The following SPATA33 variants were observed in gnomAD, a reference collection of about 807,000 sequenced individuals.
SPATA33 encodes spermatogenesis associated 33.
SPATA33 carries 10 observed loss-of-function variants against 8.9 expected under a neutral mutation model. That is an observed-to-expected ratio of 1.12 (90% CI 0.69 to 1.90). The LOEUF (loss-of-function observed/expected upper bound fraction) is 1.90, where lower values mean the gene tolerates loss of function less well. Ranked by LOEUF, SPATA33 falls within the 40% of genes most tolerant of loss-of-function variation. The pLI, the probability that SPATA33 is intolerant of heterozygous loss-of-function variation, is 0.00. For synonymous variants in SPATA33, 96 were observed against 72.8 expected, an observed-to-expected ratio of 1.32 and a Z score of -1.63; for missense variants, 241 against 178.3, an observed-to-expected ratio of 1.35 and a Z score of -2.00.
chr16:89,661,406 A>C (rs1269417648), intron 2 of SPATA33: 1 of 174,088 alleles, frequency 5.7e-6, no homozygotes, highest in Non-Finnish European at 1.1e-5. Flanking sequence ...GCTGCCATCC[A>C]TGTAAGATGT....
At position 89,669,410 on chromosome 16, in the gene SPATA33, CA is replaced by C. The variant is rs2060068977; in HGVS notation, c.337del (p.Ile113PhefsTer42). 5.6e-6 allele frequency: 9 copies of C among 1,614,158 alleles called. No homozygotes were observed. The highest frequency in any genetic ancestry group is 7.6e-6 in the Non-Finnish European group (9 of 1,180,040). ...SSSGSDQQRT[I>X]REPEDWGPYR... ...CCAGCGGGAGTGACCAGCAGAGAAC[CA>C]TTCGGGAGCCGGAGGACTGGGGCCC... On this transcript the variant is annotated frameshift_variant, in exon 3 of 3. Transcript: ENST00000579310. LOFTEE classifies it low-confidence loss of function (END_TRUNC).
chr16:89,663,751 C>T (rs974688400), intron 2 of SPATA33, among the ~76,000 whole-genome samples: 1 of 151,982 alleles, frequency 6.6e-6, no homozygotes, highest in African/African-American at 2.4e-5. Flanking sequence ...GATTAAATGG[C>T]GTAGCTGTAC....
intron 2 of SPATA33, 43 bp downstream of exon 2, chr16:89,658,464 G>C: frequency 6.4e-7 from 1 of 1,557,674 alleles, no homozygotes; most frequent in African/African-American, 1.4e-5. Context: ...CAGTGGCTTG[G>C]AGGATCTGGG....
At chr16:89,666,483 C>A (rs1159010923) in intron 2 of SPATA33, among the ~76,000 whole-genome samples, 1 of 152,040 alleles carries the variant, frequency 6.6e-6, no homozygotes, top group Non-Finnish European at 1.5e-5. Flanking sequence ...GGCAACATGG[C>A]AAAACCGTGT....
chr16:89,662,544 C>G (rs1020381737), intron 2 of SPATA33, among the ~76,000 whole-genome samples: 1 of 151,802 alleles, frequency 6.6e-6, no homozygotes, highest in Non-Finnish European at 1.5e-5. Context: ...CTGCCTCAGC[C>G]TCCCAAGTAG....
At chr16:89,660,616 C>T in intron 2 of SPATA33, 1 of 1,138,640 alleles carries the variant, frequency 8.8e-7, no homozygotes, top group East Asian at 3.2e-5. Flanking sequence ...AGGTGGGACA[C>T]TGAGTGAGAC....
At chr16:89,663,240 TC>T (rs1439546218) in intron 2 of SPATA33, among the ~76,000 whole-genome samples, 9 of 144,268 alleles carry the variant, frequency 6.2e-5, no homozygotes, top group Middle Eastern at 3.4e-3. Context: ...TGATTCCATT[TC>T]TTTTTTTTTT....
At chr16:89,659,091 G>A (rs890234673) in intron 2 of SPATA33, 1 of 152,462 alleles carries the variant, frequency 6.6e-6, no homozygotes, top group Non-Finnish European at 1.5e-5. Flanking sequence ...TTGAGCCCAG[G>A]AGTTCAAGAC....
rs1023702602 is a variant in SPATA33 at position 89,669,581 on chromosome 16, C to T, written c.*84C>T. Reference sequence around the variant, plus strand: ...CCTCACCCTGTGAGAAGCCGAGGCCCCTTCTCCAGTGCTCTCGGGGAGGTT... The same window carrying T: ...CCTCACCCTGTGAGAAGCCGAGGCCTCTTCTCCAGTGCTCTCGGGGAGGTT... On this transcript the variant is annotated 3_prime_UTR_variant, in exon 3 of 3. Transcript: ENST00000579310. The T allele has an allele frequency of 3.6e-6, 5 of 1,395,694 alleles. No homozygotes were observed. In the African/African-American group the frequency reaches 5.7e-5, roughly 16 times the overall value. The allele number at this position is 1,395,694 out of a possible 1,614,324, so 86.5% of individuals were successfully genotyped here. A position where few individuals can be genotyped will look rare whatever the true frequency, so the allele number is the denominator to read the frequency against.
At chr16:89,657,998 G>A (rs372275615) in intron 1 of SPATA33, 50 bp downstream of exon 1, 1 of 1,501,684 alleles carries the variant, frequency 6.7e-7, no homozygotes, top group South Asian at 1.2e-5. Flanking sequence ...CCCTGGGCGC[G>A]GGCCCAGGGC....
intron 2 of SPATA33, among the ~76,000 whole-genome samples, chr16:89,663,666 TG>T (rs1418600194): frequency 6.6e-6 from 1 of 151,810 alleles, no homozygotes; most frequent in African/African-American, 2.4e-5. Flanking sequence ...GGCAGGGCTT[TG>T]GGGTTGGGGT....
At chr16:89,661,837 G>A (rs1382243337) in intron 2 of SPATA33, among the ~76,000 whole-genome samples, 1 of 152,150 alleles carries the variant, frequency 6.6e-6, no homozygotes, top group African/African-American at 2.4e-5. Context: ...TCAGACCTGG[G>A]CTCCGTCACT....
chr16:89,657,999 G>T, intron 1 of SPATA33, 51 bp downstream of exon 1: 1 of 1,502,966 alleles, frequency 6.7e-7, no homozygotes, highest in Non-Finnish European at 8.8e-7. Context: ...CCTGGGCGCG[G>T]GCCCAGGGCG....
At chr16:89,664,790 A>G (rs1406087887) in intron 2 of SPATA33, among the ~76,000 whole-genome samples, 1 of 152,178 alleles carries the variant, frequency 6.6e-6, no homozygotes, top group African/African-American at 2.4e-5. Context: ...ATGGGCTTAG[A>G]AGAGGGTCCT....
chr16:89,664,981 G>A (rs745342016), intron 2 of SPATA33, among the ~76,000 whole-genome samples: 3 of 152,326 alleles, frequency 2.0e-5, no homozygotes, highest in African/African-American at 4.8e-5. Context: ...TATGTACCAA[G>A]AACCTTGAGA....
At chr16:89,662,186 T>A (rs996281374) in intron 2 of SPATA33, among the ~76,000 whole-genome samples, 3 of 151,810 alleles carry the variant, frequency 2.0e-5, no homozygotes, top group Admixed American at 1.3e-4. Flanking sequence ...TCCAACTACT[T>A]TGGAGGCTGA....
At chr16:89,665,044 G>A (rs1360058239) in intron 2 of SPATA33, among the ~76,000 whole-genome samples, 2 of 152,182 alleles carry the variant, frequency 1.3e-5, no homozygotes, top group Admixed American at 6.5e-5. Context: ...CACCCAGGCT[G>A]GAGTGCAGTG....
intron 2 of SPATA33, among the ~76,000 whole-genome samples, chr16:89,668,605 G>C (rs1454428310): frequency 6.6e-6 from 1 of 151,954 alleles, no homozygotes; most frequent in Non-Finnish European, 1.5e-5. Flanking sequence ...GCTCGTAGCA[G>C]TGGCACTCCA....
chr16:89,663,508 A>T (rs2059989392), intron 2 of SPATA33, among the ~76,000 whole-genome samples: 1 of 151,454 alleles, frequency 6.6e-6, no homozygotes, highest in Non-Finnish European at 1.5e-5. Context: ...GCCTCCTGAA[A>T]TGCTAGGATT....
Sources: allele counts gnomAD v4.1 joint callset (sites outside exome capture counted in the v4.1 genomes callset), GRCh38; gene constraint gnomAD v4.1.1; transcripts MANE v1.5; gene names NCBI Gene and HGNC (gene_info 2026-07-23, HGNC 2026-07-21).